TTC39C: variants seen among roughly 807,000 people sequenced by gnomAD.
TTC39C encodes the protein tetratricopeptide repeat domain 39C.
TTC39C carries 33 observed loss-of-function variants against 76.3 expected under a neutral mutation model. That is an observed-to-expected ratio of 0.43 (90% confidence interval 0.33 to 0.58). TTC39C has a LOEUF of 0.58. TTC39C is among the 20% of genes least tolerant of loss of function. The pLI is 0.04. For missense variants in TTC39C, 595 were observed against 701.4 expected, an observed-to-expected ratio of 0.85 and a Z score of 1.71; for synonymous variants, 254 against 260.6, an observed-to-expected ratio of 0.97 and a Z score of 0.24.
intron 1 of TTC39C, among the ~76,000 whole-genome samples, chr18:24,047,227 G>A (rs568444876): frequency 6.6e-6 from 1 of 151,544 alleles, no homozygotes; most frequent in South Asian, 2.1e-4. Context: ...CCAAGTAGCT[G>A]GGATTATAGG....
At chr18:24,055,981 C>T (rs144038664) in intron 1 of TTC39C, among the ~76,000 whole-genome samples, 31 of 152,272 alleles carry the variant, frequency 2.0e-4, no homozygotes, top group African/African-American at 7.2e-4. Context: ...TCCTTAAAAC[C>T]CATTTTTGAT....
intron 1 of TTC39C, among the ~76,000 whole-genome samples, chr18:24,028,970 A>G (rs1026648723): frequency 6.6e-5 from 10 of 152,114 alleles, no homozygotes; most frequent in Admixed American, 2.0e-4. Context: ...TGATCCACCC[A>G]TCTCAGCCTC....
Position 24,114,637 on chromosome 18 carries a change from G to GTATGAAATTGGTAAA in TTC39C, c.1077_1078+13dup. The GTATGAAATTGGTAAA allele has an allele frequency of 6.2e-7, 1 of 1,611,682 alleles. No homozygotes were observed. Among genetic ancestry groups the GTATGAAATTGGTAAA allele is most frequent in the Admixed American group, 1.7e-5 (1 of 60,014 alleles). Reference sequence around the variant, plus strand: ...AGAGAGAAATTCAACATGTCTGTCTGTATGAAATTGGTAAATATGAAATGT... The same window carrying GTATGAAATTGGTAAA: ...AGAGAGAAATTCAACATGTCTGTCTGTATGAAATTGGTAAATATGAAATTGGTAAATATGAAATGT... On this transcript the variant is annotated inframe_insertion, in exon 7 of 14. Coordinates refer to ENST00000317571, the MANE Select transcript of TTC39C (RefSeq NM_001135993.2).
Position 24,133,235 on chromosome 18 carries a change from T to C in TTC39C, c.*661T>C, listed in dbSNP as rs1052061401. 1 of 152,210 alleles carries C rather than the reference T, an allele frequency of 6.6e-6. No individual in the cohort carries two copies. The allele number at this position is 152,210 out of a possible 1,614,324, so 9.4% of individuals were successfully genotyped here. A position where few individuals can be genotyped will look rare whatever the true frequency, so the allele number is the denominator to read the frequency against. On this transcript the variant is annotated 3_prime_UTR_variant, in exon 14 of 14. Coordinates refer to ENST00000317571, the MANE Select transcript of TTC39C (RefSeq NM_001135993.2). ...ATAATTCATGTTAATAGGCCAGAAT[T>C]CCATGTTTTACTTATTAAAAGAACA...
intron 6 of TTC39C, among the ~76,000 whole-genome samples, chr18:24,094,602 C>T (rs1028060196): frequency 3.3e-5 from 5 of 152,212 alleles, no homozygotes; most frequent in African/African-American, 1.2e-4. Context: ...GTTGTGTTAA[C>T]AGACATGAAA....
At chr18:24,105,023 T>C (rs1443347498) in intron 6 of TTC39C, among the ~76,000 whole-genome samples, 3 of 151,608 alleles carry the variant, frequency 2.0e-5, no homozygotes, top group African/African-American at 7.3e-5. Context: ...AAAATAAACT[T>C]CTGTATTGTA....
At position 24,133,997 on chromosome 18, in the gene TTC39C, A is replaced by G. The variant is rs1299878847; in HGVS notation, c.*1423A>G. On this transcript the variant is annotated 3_prime_UTR_variant, in exon 14 of 14. Transcript: ENST00000317571. The stretch of plus-strand genomic sequence containing the variant: ...TCTGATTTGACCTTGTTTTGAGGGA[A>G]TAGTCATAATTTCTTTGAAAGAAGT... 1 of 153,244 alleles carries G rather than the reference A, an allele frequency of 6.5e-6. No homozygotes were observed. Among genetic ancestry groups the G allele is most frequent in the African/African-American group, 2.4e-5 (1 of 41,490 alleles). The allele number at this position is 153,244 out of a possible 1,614,324, so 9.5% of individuals were successfully genotyped here.
chr18:24,017,156 T>G (rs2083463250), intron 1 of TTC39C, among the ~76,000 whole-genome samples: 1 of 152,206 alleles, frequency 6.6e-6, no homozygotes, highest in South Asian at 2.1e-4. Context: ...ACAGAGATGG[T>G]ATCATCCTAT....
chr18:24,024,903 G>T (rs2083579331), intron 1 of TTC39C, among the ~76,000 whole-genome samples: 3 of 152,164 alleles, frequency 2.0e-5, no homozygotes, highest in Admixed American at 6.5e-5. Flanking sequence ...CAGTCTCACT[G>T]TATCTCCCAG....
chr18:24,060,313 G>GTTTTTTTT (rs1294806136), intron 1 of TTC39C, among the ~76,000 whole-genome samples: 31 of 89,246 alleles, frequency 3.5e-4, no homozygotes, highest in Admixed American at 4.6e-4. Context: ...TTGCGTTTCT[G>GTTTTTTTT]TTTTTTTTTT....
At chr18:24,062,156 A>G (rs1314716733) in intron 1 of TTC39C, among the ~76,000 whole-genome samples, 3 of 152,198 alleles carry the variant, frequency 2.0e-5, no homozygotes. Context: ...CAGGTTAGGT[A>G]CCATGAATAA....
At chr18:24,096,399 A>G (rs2084590533) in intron 6 of TTC39C, among the ~76,000 whole-genome samples, 1 of 152,240 alleles carries the variant, frequency 6.6e-6, no homozygotes, top group Non-Finnish European at 1.5e-5. Flanking sequence ...CATTGCCTTT[A>G]ATCGTAGGAA....
At chr18:24,109,197 A>AAAAAAAT (rs2084781889) in intron 6 of TTC39C, among the ~76,000 whole-genome samples, 1 of 150,468 alleles carries the variant, frequency 6.6e-6, no homozygotes, top group African/African-American at 2.5e-5. Context: ...AAAAAAAAAA[A>AAAAAAAT]AGTTAAAAAA....
intron 1 of TTC39C, among the ~76,000 whole-genome samples, chr18:24,041,787 A>G (rs956491806): frequency 6.6e-6 from 1 of 152,220 alleles, no homozygotes; most frequent in Non-Finnish European, 1.5e-5. Context: ...CATACTCAGA[A>G]TTATGTTTTG....
rs10661950 is a variant in TTC39C, at chr18:24,104,688, T to TTGTGTGTGTGTGTGTGTGTGTG, written c.985-9853_985-9832dup. 8.3e-5 allele frequency among the ~76,000 whole-genome samples: 12 copies of TTGTGTGTGTGTGTGTGTGTGTG among 144,836 alleles called. No individual in the cohort carries two copies. The East Asian group carries it at 1.5e-3, about 18-fold the overall frequency. ...GCCCAGCGCTTAGGGAGCAGGGTGT[T>TTGTGTGTGTGTGTGTGTGTGTG]TGTGTGTGTGTGTGTGTGTGTGTGT... On this transcript the variant is annotated intron_variant, in intron 6 of 13. Transcript: ENST00000317571.
intron 1 of TTC39C, among the ~76,000 whole-genome samples, chr18:24,058,101 G>A (rs545655190): frequency 9.3e-4 from 141 of 152,318 alleles, no homozygotes; most frequent in African/African-American, 3.3e-3. Flanking sequence ...ATAAGTGGGA[G>A]CTAAACACTG....
intron 8 of TTC39C, among the ~76,000 whole-genome samples, chr18:24,119,755 A>G (rs569273390): frequency 1.2e-4 from 19 of 152,188 alleles, no homozygotes; most frequent in Admixed American, 2.0e-4. Flanking sequence ...AGTAGCAGCT[A>G]TTTGTTGAGT....
intron 1 of TTC39C, among the ~76,000 whole-genome samples, chr18:24,053,910 G>A (rs1200321523): frequency 1.3e-5 from 2 of 152,108 alleles, no homozygotes; most frequent in East Asian, 1.9e-4. Flanking sequence ...TGGGGGAGGA[G>A]TTAGCTAAGT....
chr18:24,016,943 T>C (rs2083461083), intron 1 of TTC39C, among the ~76,000 whole-genome samples: 2 of 152,286 alleles, frequency 1.3e-5, no homozygotes, highest in Non-Finnish European at 2.9e-5. Flanking sequence ...ATCATGACAG[T>C]TTTGTAACGA....
Sources: gnomAD v4.1 joint callset for allele counts (sites outside exome capture counted in the v4.1 genomes callset) on GRCh38, gnomAD v4.1.1 for gene constraint, MANE v1.5 for transcripts, NCBI Gene and HGNC (gene_info 2026-07-23, HGNC 2026-07-21) for gene names.